NRDC: variants seen among roughly 807,000 people sequenced by gnomAD.
The protein encoded by NRDC is nardilysin.
A neutral mutation model predicts 147.1 loss-of-function variants in NRDC; 54 were observed. The ratio of observed to expected loss-of-function variants is 0.37; its 90% CI spans 0.29 to 0.46. NRDC has a LOEUF of 0.46. NRDC is among the 20% of genes least tolerant of loss of function. The probability of loss-of-function intolerance (pLI) is 1.00; values close to 1 mark genes in which losing one functional copy is unlikely to be tolerated. For synonymous variants in NRDC, 440 were observed against 482.1 expected, an observed-to-expected ratio of 0.91 and a Z score of 1.14; for missense variants, 1,082 against 1,370.6, an observed-to-expected ratio of 0.79 and a Z score of 3.33.
chr1:51,870,955 T>C (rs1683056516), intron 1 of NRDC, among the ~76,000 whole-genome samples: 1 of 152,074 alleles, frequency 6.6e-6, no homozygotes, highest in South Asian at 2.1e-4. Context: ...ATGCACTGTT[T>C]TTATCCTAAA....
intron 1 of NRDC, among the ~76,000 whole-genome samples, chr1:51,876,942 C>G (rs1173264399): frequency 6.6e-6 from 1 of 151,984 alleles, no homozygotes; most frequent in Non-Finnish European, 1.5e-5. Flanking sequence ...GTAACCCCAG[C>G]ACTTTGGGAG....
At chr1:51,864,835 C>G (rs1321889159) in intron 1 of NRDC, among the ~76,000 whole-genome samples, 1 of 151,686 alleles carries the variant, frequency 6.6e-6, no homozygotes, top group African/African-American at 2.4e-5. Flanking sequence ...GCCTGTAGTT[C>G]CAGCTACTCA....
intron 11 of NRDC, among the ~76,000 whole-genome samples, chr1:51,815,410 T>C (rs2474118): frequency 6.6e-6 from 1 of 152,076 alleles, no homozygotes; most frequent in Admixed American, 6.6e-5. Flanking sequence ...TCTTTGAGGC[T>C]GTCAGCTAAC....
chr1:51,840,846 C>T (rs569996889), intron 1 of NRDC, among the ~76,000 whole-genome samples: 30 of 152,168 alleles, frequency 2.0e-4, no homozygotes, highest in Admixed American at 4.6e-4. Flanking sequence ...TCAGCCTCCC[C>T]TATTTCTCAG....
intron 1 of NRDC, among the ~76,000 whole-genome samples, chr1:51,851,742 T>TA (rs1681961502): frequency 1.3e-5 from 2 of 152,134 alleles, no homozygotes; most frequent in Admixed American, 1.3e-4. Flanking sequence ...GGACACTTAA[T>TA]AGTGTCATGA....
chr1:51,877,974 C>T (rs894483537), intron 1 of NRDC: 6 of 1,227,662 alleles, frequency 4.9e-6, no homozygotes, highest in Non-Finnish European at 6.2e-6. Flanking sequence ...AATACCAAGA[C>T]TCCCTCACCA....
chr1:51,846,717 C>T (rs1164709245), intron 1 of NRDC, among the ~76,000 whole-genome samples: 2 of 152,224 alleles, frequency 1.3e-5, no homozygotes, highest in Non-Finnish European at 2.9e-5. Flanking sequence ...TCGCCAACAG[C>T]GATGGAACTC....
At chr1:51,840,643 T>G (rs1681224623) in intron 1 of NRDC, 129 bp from the exon 2 acceptor site, 1 of 646,940 alleles carries the variant, frequency 1.5e-6, no homozygotes, top group Non-Finnish European at 2.6e-6. Context: ...ACACAACTAT[T>G]TGTAAACTAA....
intron 6 of NRDC, 72 bp from the exon 7 acceptor site, chr1:51,823,858 C>T: frequency 1.9e-6 from 2 of 1,063,456 alleles, no homozygotes; most frequent in Non-Finnish European, 2.7e-6. Context: ...ATCATCAATG[C>T]ATATTTTGCT....
At chr1:51,850,617 T>G (rs190666047) in intron 1 of NRDC, among the ~76,000 whole-genome samples, 1 of 152,212 alleles carries the variant, frequency 6.6e-6, no homozygotes, top group Admixed American at 6.5e-5. Context: ...GTCAGAGTCA[T>G]GAGAACGTTT....
intron 1 of NRDC, among the ~76,000 whole-genome samples, chr1:51,847,524 C>A (rs978864030): frequency 6.6e-6 from 1 of 152,200 alleles, no homozygotes; most frequent in African/African-American, 2.4e-5. Flanking sequence ...CCCTGCCCTG[C>A]GGGGAGTCAG....
At chr1:51,831,582 C>CTTT in intron 4 of NRDC, among the ~76,000 whole-genome samples, 1 of 143,114 alleles carries the variant, frequency 7.0e-6, no homozygotes, top group South Asian at 2.2e-4. Context: ...ATTTATCTTT[C>CTTT]TTTTTTTTTT....
chr1:51,794,850 G>T lies in NRDC; in HGVS notation c.2609C>A (p.Ser870Tyr), dbSNP rs1431174380. ...AACAACATATTTCAGGAAATCCATA[G>T]ATTCCTAAGAGGCAAAAGAGAATAA... The part of the protein sequence containing the change: ...LVQGNVTSTE[S>Y]MDFLKYVVDK... The change falls in exon 23 of 31, where the codon TCT (serine) becomes TAT (tyrosine). Residue 870 changes from serine to tyrosine, a missense_variant. By Grantham distance (144) the Ser-to-Tyr change is moderately radical. Transcript: ENST00000352171. The T allele has an allele frequency of 6.2e-7, 1 of 1,613,888 alleles. No homozygotes were observed. Among genetic ancestry groups the T allele is most frequent in the Non-Finnish European group, 8.5e-7 (1 of 1,179,976 alleles).
intron 29 of NRDC, 121 bp downstream of exon 29, chr1:51,790,412 A>C: frequency 2.8e-6 from 2 of 709,410 alleles, no homozygotes; most frequent in Non-Finnish European, 5.0e-6. Context: ...GCGAGTAATC[A>C]GGCCAGGACT....
rs571301049 is a variant in NRDC at position 51,809,653 on chromosome 1, T to C, written c.1904-252A>G. Among the ~76,000 whole-genome samples, 8 of 152,010 alleles carry C rather than the reference T, an allele frequency of 5.3e-5. No homozygotes were observed. In the South Asian group the frequency reaches 6.2e-4, roughly 12 times the overall value. ...GGCTCACACCTGTAAGCTCAACACGTTGGGAGGCTGAGGTGGGTGGATCAC... is the reference window on the plus strand; with the variant it reads ...GGCTCACACCTGTAAGCTCAACACGCTGGGAGGCTGAGGTGGGTGGATCAC... On this transcript the variant is annotated intron_variant, in intron 16 of 30. Coordinates refer to ENST00000352171, the MANE Select transcript of NRDC (RefSeq NM_001101662.2).
intron 1 of NRDC, among the ~76,000 whole-genome samples, chr1:51,856,110 G>A (rs889028284): frequency 6.6e-6 from 1 of 152,128 alleles, no homozygotes; most frequent in Non-Finnish European, 1.5e-5. Flanking sequence ...CATTCTTGTA[G>A]GGAAATACAG....
intron 1 of NRDC, among the ~76,000 whole-genome samples, chr1:51,850,306 T>C (rs1681885378): frequency 6.6e-6 from 1 of 151,866 alleles, no homozygotes; most frequent in South Asian, 2.1e-4. Context: ...GAGCAGTGTA[T>C]ATAATACTGT....
chr1:51,825,298 T>C lies in NRDC; in HGVS notation c.1025A>G (p.Lys342Arg). The C allele has an allele frequency of 6.2e-7, 1 of 1,600,076 alleles. No homozygotes were observed. Residue 342 changes from lysine to arginine, a missense_variant, in exon 6 of 31, where the codon AAA becomes AGA. Physicochemically the swap from Lys to Arg is conservative, Grantham distance 26. Around this residue, in one of 3 missense-constraint regions of NRDC, gnomAD observed 635 missense variants for 923.8 expected, o/e 0.69. Transcript: ENST00000352171. ...ATTTAGTATCTTACCCCAAAAAAAT[T>C]TTCCCATAGGATGTCCAGGTCTAGC... The part of the protein sequence containing the change: ...SLARPGHPMG[K>R]FFWGNAETLK...
intron 26 of NRDC, 99 bp from the exon 27 acceptor site, chr1:51,791,760 T>A: frequency 1.0e-6 from 1 of 982,006 alleles, no homozygotes; most frequent in Non-Finnish European, 1.6e-6. Flanking sequence ...TGCCCATCCT[T>A]ATTGGAACTG....
Sources: allele counts gnomAD v4.1 joint callset (sites outside exome capture counted in the v4.1 genomes callset), GRCh38; gene constraint gnomAD v4.1.1; regional missense constraint gnomAD v4.1.1; transcripts MANE v1.5; gene names NCBI Gene and HGNC (gene_info 2026-07-23, HGNC 2026-07-21).